The following KIFAP3 variants were observed in gnomAD, a reference collection of about 807,000 sequenced individuals.
KIFAP3 encodes the protein kinesin-associated protein 3.
A neutral mutation model predicts 106.5 loss-of-function variants in KIFAP3; 68 were observed. The observed-to-expected ratio is 0.64, with a 90% CI of 0.53 to 0.78. The LOEUF (loss-of-function observed/expected upper bound fraction) is 0.78, where lower values mean the gene tolerates loss of function less well. Among genes scored for constraint, KIFAP3 ranks in the 30% least tolerant of loss-of-function variants. The pLI is 0.00. For missense variants in KIFAP3, 780 were observed against 941.8 expected (o/e 0.83, Z 2.25); for synonymous variants, 320 against 311.5 (o/e 1.03, Z -0.29).
chr1:169,982,829 A>G lies in KIFAP3; in HGVS notation c.1545T>C (p.Asp515=). Residue 515 remains aspartate (D), a synonymous_variant, in exon 14 of 20, where the codon GAT becomes GAC. Transcript: ENST00000361580. ...ATTCAATCACAAACTCCTCTTCTTC[A>G]TCATTAGAGATCTGGGCTGCAAGGT... ...VGDLAAQISN[D]EEEEFVIECL... is the part of the protein sequence containing the mutation. 1 of 1,602,918 alleles carries G rather than the reference A, an allele frequency of 6.2e-7. No individual in the cohort carries two copies. The highest frequency in any genetic ancestry group is 8.5e-7 in the Non-Finnish European group (1 of 1,172,890).
At chr1:169,948,787 TAGAC>T (rs1031012051) in intron 19 of KIFAP3, among the ~76,000 whole-genome samples, 5 of 152,022 alleles carry the variant, frequency 3.3e-5, no homozygotes, top group Admixed American at 3.3e-4. Context: ...GGCTGTAAAA[TAGAC>T]AACTTAGTTT....
chr1:170,031,416 T>C (rs1291562224), intron 8 of KIFAP3, among the ~76,000 whole-genome samples: 1 of 151,764 alleles, frequency 6.6e-6, no homozygotes, highest in Non-Finnish European at 1.5e-5. Context: ...CTAACCACCA[T>C]AAGATTTTAC....
intron 8 of KIFAP3, among the ~76,000 whole-genome samples, chr1:170,031,652 T>C (rs1396181222): frequency 1.3e-5 from 2 of 151,744 alleles, no homozygotes; most frequent in Non-Finnish European, 3.0e-5. Flanking sequence ...AAAAATCCTT[T>C]CTTAGGAAAT....
chr1:170,059,224 G>T (rs1048436018), intron 1 of KIFAP3, among the ~76,000 whole-genome samples: 4 of 151,880 alleles, frequency 2.6e-5, no homozygotes, highest in Non-Finnish European at 4.4e-5. Flanking sequence ...CCCAGGAGAT[G>T]GTTTTTTGAA....
intron 1 of KIFAP3, among the ~76,000 whole-genome samples, chr1:170,072,989 T>C (rs1279531009): frequency 6.6e-6 from 1 of 152,200 alleles, no homozygotes; most frequent in Non-Finnish European, 1.5e-5. Context: ...AAGCAAACAA[T>C]AGGTTGAGAA....
chr1:170,046,896 C>A, intron 2 of KIFAP3, 30 bp from the exon 3 acceptor site: 1 of 1,478,172 alleles, frequency 6.8e-7, no homozygotes, highest in Non-Finnish European at 9.1e-7. Context: ...TTTCAACTCA[C>A]GTATTATAAA....
chr1:170,027,420 A>C (rs1669172134), intron 8 of KIFAP3, among the ~76,000 whole-genome samples: 2 of 152,192 alleles, frequency 1.3e-5, no homozygotes, highest in Non-Finnish European at 2.9e-5. Context: ...CCAAGAATTG[A>C]CCTAGAGTTT....
intron 19 of KIFAP3, among the ~76,000 whole-genome samples, chr1:169,948,459 T>C (rs771048043): frequency 1.3e-5 from 2 of 152,022 alleles, no homozygotes; most frequent in African/African-American, 2.4e-5. Context: ...AATGAAGCAG[T>C]ATTTTAGTCA....
At chr1:170,060,436 T>TA (rs975395058) in intron 1 of KIFAP3, among the ~76,000 whole-genome samples, 5 of 152,084 alleles carry the variant, frequency 3.3e-5, no homozygotes, top group Non-Finnish European at 5.9e-5. Context: ...ATAAAATACC[T>TA]AGGAATCCAA....
At chr1:170,074,409 T>C (rs751107660) in intron 1 of KIFAP3, 27 bp downstream of exon 1, 69 of 1,613,002 alleles carry the variant, frequency 4.3e-5, no homozygotes, top group Non-Finnish European at 5.6e-5. Flanking sequence ...GCAAGGAGGG[T>C]AGGACAGAGC....
chr1:169,943,332 A>G (rs1664243652), intron 19 of KIFAP3, among the ~76,000 whole-genome samples: 1 of 152,184 alleles, frequency 6.6e-6, no homozygotes, highest in Non-Finnish European at 1.5e-5. Context: ...TATTTCTAAT[A>G]TAAGAAATCT....
chr1:169,939,751 G>T (rs1405484139), intron 19 of KIFAP3, among the ~76,000 whole-genome samples: 1 of 152,038 alleles, frequency 6.6e-6, no homozygotes, highest in African/African-American at 2.4e-5. Flanking sequence ...TCAGAAAAAT[G>T]GGGTATCTTG....
Position 170,038,449 on chromosome 1 carries a change from A to G in KIFAP3, c.376-18T>C. 1 of 1,604,636 alleles carries G rather than the reference A, an allele frequency of 6.2e-7. No individual in the cohort carries two copies. Among genetic ancestry groups the G allele is most frequent in the South Asian group, 1.1e-5 (1 of 89,198 alleles). On this transcript the variant is annotated intron_variant, in intron 4 of 19. Coordinates refer to ENST00000361580, the MANE Select transcript of KIFAP3 (RefSeq NM_014970.4). ...TCATCAATCTGAAACAAAGAGGCAG[A>G]AAGTACTCATCAACAATGCTCAACA...
intron 2 of KIFAP3, 82 bp from the exon 3 acceptor site, chr1:170,046,948 T>TC: frequency 4.3e-5 from 30 of 700,878 alleles, no homozygotes; most frequent in South Asian, 9.5e-5. Flanking sequence ...AATTTATAGA[T>TC]TATAAATTAT....
Position 170,055,968 on chromosome 1 carries a change from C to CA in KIFAP3, c.33-533dup, listed in dbSNP as rs372671850. Among the ~76,000 whole-genome samples, 562 of 152,052 alleles carry CA rather than the reference C, an allele frequency of 3.7e-3. 2 individuals are homozygous for CA. Among genetic ancestry groups the CA allele is most frequent in the African/African-American group, 0.013 (525 of 41,472 alleles). The stretch of plus-strand genomic sequence containing the variant: ...GTAACATAGCGAGACTCTGTTTCTA[C>CA]AAAAAATTTAAAAACTAGCCGGGCA... On this transcript the variant is annotated intron_variant, in intron 1 of 19. Coordinates refer to ENST00000361580, the MANE Select transcript of KIFAP3 (RefSeq NM_014970.4).
chr1:169,953,995 T>C lies in KIFAP3; in HGVS notation c.2273+16A>G, dbSNP rs1175042986. On this transcript the variant is annotated intron_variant, in intron 19 of 19. Coordinates refer to ENST00000361580, the MANE Select transcript of KIFAP3 (RefSeq NM_014970.4). ...ACAGATACTACACATTAGATTTTTC[T>C]TGGAAAACTGTTTACCTGCCAGGAA... 1.3e-6 allele frequency: 2 copies of C among 1,577,760 alleles called. No individual in the cohort carries two copies. Among genetic ancestry groups the C allele is most frequent in the East Asian group, 2.2e-5 (1 of 44,662 alleles).
chr1:170,054,539 G>C (rs943729167), intron 2 of KIFAP3, among the ~76,000 whole-genome samples: 3 of 152,130 alleles, frequency 2.0e-5, no homozygotes, highest in Non-Finnish European at 4.4e-5. Flanking sequence ...ATTTACAATA[G>C]CAAAGACTTG....
chr1:169,994,509 A>G (rs1667277176), intron 10 of KIFAP3, among the ~76,000 whole-genome samples: 1 of 152,144 alleles, frequency 6.6e-6, no homozygotes, highest in Non-Finnish European at 1.5e-5. Context: ...CTGTTTGGCT[A>G]ATTCTATTTC....
chr1:170,005,094 A>G (rs1367486265), intron 10 of KIFAP3, among the ~76,000 whole-genome samples: 1 of 151,286 alleles, frequency 6.6e-6, no homozygotes, highest in African/African-American at 2.4e-5. Context: ...GCAGCCAAAA[A>G]ACACATGAAA....
Sources: allele counts gnomAD v4.1 joint callset (sites outside exome capture counted in the v4.1 genomes callset), GRCh38; gene constraint gnomAD v4.1.1; transcripts MANE v1.5; gene names NCBI Gene and HGNC (gene_info 2026-07-23, HGNC 2026-07-21).